Variants in RBMS1 observed in about 807,000 individuals in gnomAD.
RBMS1 encodes RNA binding motif single stranded interacting protein 1.
In RBMS1, 17 loss-of-function variants were observed where a neutral mutation model predicts 62.3. The ratio of observed to expected loss-of-function variants is 0.27; its 90% confidence interval spans 0.19 to 0.41. The LOEUF (loss-of-function observed/expected upper bound fraction) is 0.41. RBMS1 is among the 10% of genes least tolerant of loss of function. RBMS1 has a pLI of 1.00. For missense variants in RBMS1, 334 were observed against 504.5 expected, an observed-to-expected ratio of 0.66 and a Z score of 3.24; for synonymous variants, 172 against 170.0, an observed-to-expected ratio of 1.01 and a Z score of -0.09.
chr2:160,435,652 T>G (rs1559547003), intron 1 of RBMS1, among the ~76,000 whole-genome samples: 2 of 152,222 alleles, frequency 1.3e-5, no homozygotes, highest in Non-Finnish European at 2.9e-5. Context: ...GGCACTTATT[T>G]TCAAGATCAT....
intron 1 of RBMS1, among the ~76,000 whole-genome samples, chr2:160,415,040 G>C (rs541294606): frequency 6.6e-6 from 1 of 151,912 alleles, no homozygotes; most frequent in Non-Finnish European, 1.5e-5. Flanking sequence ...ACAAAGAGAA[G>C]GTCCATTTTT....
At chr2:160,484,110 A>C (rs1215627458) in intron 1 of RBMS1, among the ~76,000 whole-genome samples, 1 of 151,276 alleles carries the variant, frequency 6.6e-6, no homozygotes, top group Non-Finnish European at 1.5e-5. Context: ...AAGTGTTGGA[A>C]TTATAGGCAT....
chr2:160,441,914 G>A (rs989679109), intron 1 of RBMS1, among the ~76,000 whole-genome samples: 2 of 152,150 alleles, frequency 1.3e-5, no homozygotes, highest in Admixed American at 1.3e-4. Flanking sequence ...GATATCTAAT[G>A]ATGTGAAGCA....
intron 2 of RBMS1, among the ~76,000 whole-genome samples, chr2:160,326,518 T>C (rs958374504): frequency 6.6e-6 from 1 of 152,118 alleles, no homozygotes; most frequent in African/African-American, 2.4e-5. Context: ...TATGGAAACT[T>C]AAGTCTCCAA....
At chr2:160,440,019 C>T (rs986781119) in intron 1 of RBMS1, among the ~76,000 whole-genome samples, 26 of 142,428 alleles carry the variant, frequency 1.8e-4, no homozygotes, top group Admixed American at 6.7e-4. Context: ...CGTCCAGCTT[C>T]GGCTCGGCAT....
chr2:160,443,417 T>C (rs1683502467), intron 1 of RBMS1, among the ~76,000 whole-genome samples: 1 of 152,150 alleles, frequency 6.6e-6, no homozygotes. Flanking sequence ...TCTCCAATGT[T>C]GGCGATGCAG....
At chr2:160,473,579 T>C (rs1685010788) in intron 1 of RBMS1, among the ~76,000 whole-genome samples, 1 of 152,190 alleles carries the variant, frequency 6.6e-6, no homozygotes. Context: ...ATGAGGCTCA[T>C]TTACTGTTCA....
intron 1 of RBMS1, among the ~76,000 whole-genome samples, chr2:160,436,343 G>A (rs1683109276): frequency 1.3e-5 from 2 of 152,166 alleles, no homozygotes; most frequent in African/African-American, 2.4e-5. Flanking sequence ...AGCTCCCCGT[G>A]TAGAGAGAGA....
intron 4 of RBMS1, among the ~76,000 whole-genome samples, chr2:160,306,603 C>T (rs963025910): frequency 1.3e-5 from 2 of 150,538 alleles, no homozygotes; most frequent in African/African-American, 4.9e-5. Flanking sequence ...ACATTGTCCA[C>T]AAAGTTGCAG....
chr2:160,483,095 CA>C (rs1349399369), intron 1 of RBMS1, among the ~76,000 whole-genome samples: 5 of 142,802 alleles, frequency 3.5e-5, no homozygotes, highest in Non-Finnish European at 6.2e-5. Flanking sequence ...AAAAAAAAAG[CA>C]AACAAAATCA....
At chr2:160,379,856 C>T (rs1448629392) in intron 1 of RBMS1, among the ~76,000 whole-genome samples, 1 of 152,114 alleles carries the variant, frequency 6.6e-6, no homozygotes, top group Non-Finnish European at 1.5e-5. Context: ...TTCCAAAGAA[C>T]CTCGGACAAC....
intron 1 of RBMS1, among the ~76,000 whole-genome samples, chr2:160,368,289 T>C (rs1693521600): frequency 6.6e-6 from 1 of 152,130 alleles, no homozygotes; most frequent in Non-Finnish European, 1.5e-5. Flanking sequence ...GACAGGGACG[T>C]TTTTTCACCT....
At chr2:160,299,711 G>T (rs570331155) in intron 6 of RBMS1, among the ~76,000 whole-genome samples, 1 of 152,128 alleles carries the variant, frequency 6.6e-6, no homozygotes, top group East Asian at 1.9e-4. Flanking sequence ...GGAAGCTGAC[G>T]GAGCTTCTAG....
intron 1 of RBMS1, among the ~76,000 whole-genome samples, chr2:160,481,154 C>A (rs1053807218): frequency 6.7e-6 from 1 of 149,544 alleles, no homozygotes; most frequent in Admixed American, 6.7e-5. Context: ...ACAACAAAGG[C>A]AACAATGAAA....
intron 2 of RBMS1, among the ~76,000 whole-genome samples, chr2:160,351,760 AAAATATCAGCATTCCC>A (rs1442773353): frequency 6.6e-6 from 1 of 152,130 alleles, no homozygotes; most frequent in Non-Finnish European, 1.5e-5. Context: ...TTAGATATCC[AAAATATCAGCATTCCC>A]AAGTGAGCCA....
chr2:160,324,200 T>C (rs1690751149), intron 2 of RBMS1, among the ~76,000 whole-genome samples: 2 of 152,250 alleles, frequency 1.3e-5, no homozygotes, highest in Non-Finnish European at 2.9e-5. Context: ...TTATAGACTT[T>C]ATCCACTGGC....
chr2:160,421,822 T>C (rs1696442509), intron 1 of RBMS1, among the ~76,000 whole-genome samples: 1 of 152,230 alleles, frequency 6.6e-6, no homozygotes, highest in South Asian at 2.1e-4. Context: ...GTTTCCTGAC[T>C]TTTTAATGAG....
rs1489373971 is a variant in RBMS1 at position 160,407,984 on chromosome 2, G to A, written c.76-40593C>T. 21 of 909,592 alleles carry A rather than the reference G, an allele frequency of 2.3e-5. No individual in the cohort carries two copies. The Admixed American group carries it at 5.8e-4, about 25-fold the overall frequency. The allele number at this position is 909,592 out of a possible 1,614,324, so 56.3% of individuals were successfully genotyped here. ...CAGGCCCACCCGCGCCTCCCCGCCC[G>A]CCCGCTGGGCGCGGCGCCTGCCGCC... On this transcript the variant is annotated intron_variant, in intron 1 of 13. Coordinates refer to ENST00000348849, the MANE Select transcript of RBMS1 (RefSeq NM_016836.4).
chr2:160,408,006 C>G, intron 1 of RBMS1: 1 of 779,232 alleles, frequency 1.3e-6, no homozygotes, highest in Non-Finnish European at 1.6e-6. Flanking sequence ...CGGCGCCTGC[C>G]GCCCCATCGC....
Sources: gnomAD v4.1 joint callset for allele counts (sites outside exome capture counted in the v4.1 genomes callset) on GRCh38, gnomAD v4.1.1 for gene constraint, MANE v1.5 for transcripts, NCBI Gene and HGNC (gene_info 2026-07-23, HGNC 2026-07-21) for gene names.